PCDH11X: variants seen among roughly 807,000 people sequenced by gnomAD.
The protein encoded by PCDH11X is protocadherin 11 X-linked, also known as protocadherin-11 X-linked.
PCDH11X carries 18 observed loss-of-function variants against 53.3 expected under a neutral mutation model. The ratio of observed to expected loss-of-function variants is 0.34; its 90% CI spans 0.23 to 0.50. The LOEUF (loss-of-function observed/expected upper bound fraction) is 0.50, where lower values mean the gene tolerates loss of function less well. Ranked by LOEUF, PCDH11X falls within the 20% of genes least tolerant of loss-of-function variation. The pLI, the probability that PCDH11X is intolerant of heterozygous loss-of-function variation, is 0.98. For missense variants in PCDH11X, 570 were observed against 1,032.4 expected, an observed-to-expected ratio of 0.55 and a Z score of 6.14; for synonymous variants, 279 against 393.3, an observed-to-expected ratio of 0.71 and a Z score of 3.44.
chrX:91,949,999 A>G (rs1214290938), intron 6 of PCDH11X, among the ~76,000 whole-genome samples: 5 of 109,986 alleles, frequency 4.5e-5, no homozygotes, highest in Non-Finnish European at 9.5e-5. Context: ...ACAGTAGACA[A>G]TGACACATCA....
At chrX:91,985,010 G>T (rs36045629) in intron 6 of PCDH11X, among the ~76,000 whole-genome samples, 1 of 111,282 alleles carries the variant, frequency 9.0e-6, no homozygotes, top group African/African-American at 3.3e-5. Flanking sequence ...CAACATCATC[G>T]CTAGGGCAGC....
chrX:92,134,812 C>A (rs1157528451), intron 6 of PCDH11X, among the ~76,000 whole-genome samples: 1 of 111,305 alleles, frequency 9.0e-6, no homozygotes, highest in Non-Finnish European at 1.9e-5. Flanking sequence ...GTGAGGACAA[C>A]CAGAGGTCAC....
intron 10 of PCDH11X, among the ~76,000 whole-genome samples, chrX:92,490,253 A>G (rs2073730756): frequency 9.3e-6 from 1 of 107,882 alleles, no homozygotes; most frequent in Non-Finnish European, 1.9e-5. Context: ...AGGTAAGGAC[A>G]TGAATTATTT....
intron 4 of PCDH11X, among the ~76,000 whole-genome samples, chrX:91,824,741 G>A (rs1936841831): frequency 9.2e-6 from 1 of 108,691 alleles, no homozygotes; most frequent in Non-Finnish European, 1.9e-5. Flanking sequence ...TTTGGAGGAG[G>A]AGAGGCGCTC....
chrX:91,949,925 G>A (rs1308171013), intron 6 of PCDH11X, among the ~76,000 whole-genome samples: 1 of 108,100 alleles, frequency 9.3e-6, no homozygotes, highest in Non-Finnish European at 1.9e-5. Context: ...GGAATAACTG[G>A]AGTGATCAGG....
chrX:92,611,838 CT>C lies in PCDH11X; in HGVS notation c.3368-6417del, dbSNP rs201987001. On this transcript the variant is annotated intron_variant, in intron 10 of 10. Transcript: ENST00000682573. ...ATTTCTGTGTCTACTGAGATGATCA[CT>C]TTTTTTTTAAATTTACTTCTGTTTA... 7.0e-3 allele frequency among the ~76,000 whole-genome samples: 730 copies of C among 104,935 alleles called. 9 individuals carry two copies. The highest frequency in any genetic ancestry group is 0.024 in the African/African-American group (690 of 28,517). The allele number at this position is 104,935 out of a possible 115,157, so 91.1% of individuals were successfully genotyped here. A position where few individuals can be genotyped will look rare whatever the true frequency, so the allele number is the denominator to read the frequency against.
At chrX:91,976,148 G>A (rs1216342042) in intron 6 of PCDH11X, among the ~76,000 whole-genome samples, 4 of 111,341 alleles carry the variant, frequency 3.6e-5, no homozygotes, top group African/African-American at 1.3e-4. Flanking sequence ...AACCTCCCAG[G>A]CTCAAGTAAT....
rs1034016248 is a variant in PCDH11X at position 92,175,929 on chromosome X, A to T, written c.3034-25446A>T. Among the ~76,000 whole-genome samples, 32 of 110,190 alleles carry T rather than the reference A, an allele frequency of 2.9e-4. 1 individual carries two copies. The highest frequency in any genetic ancestry group is 9.9e-4 in the African/African-American group (30 of 30,322). ...CCATGAAGGCGAGTTATCCAGATTG[A>T]TTTCCTCTTTTTGTAAAATATTGCA... On this transcript the variant is annotated intron_variant, in intron 6 of 10. Transcript: ENST00000682573.
At chrX:91,964,200 A>C (rs974657914) in intron 6 of PCDH11X, among the ~76,000 whole-genome samples, 3 of 103,101 alleles carry the variant, frequency 2.9e-5, no homozygotes, top group Admixed American at 2.0e-4. Context: ...CTTAAATTGA[A>C]AGAATTAATA....
chrX:92,472,018 T>C (rs2073274559), intron 10 of PCDH11X, among the ~76,000 whole-genome samples: 1 of 111,098 alleles, frequency 9.0e-6, no homozygotes, highest in Admixed American at 9.6e-5. Flanking sequence ...CTTTGTCAGA[T>C]ACAGAGTTTG....
At chrX:92,563,178 C>T (rs1423439846) in intron 10 of PCDH11X, among the ~76,000 whole-genome samples, 1 of 99,088 alleles carries the variant, frequency 1.0e-5, no homozygotes, top group Non-Finnish European at 2.0e-5. Context: ...GGCATATGCT[C>T]AGCATCTGGG....
intron 6 of PCDH11X, among the ~76,000 whole-genome samples, chrX:92,196,484 G>T (rs1195422982): frequency 9.0e-6 from 1 of 111,338 alleles, no homozygotes; most frequent in Non-Finnish European, 1.9e-5. Flanking sequence ...ATCAAAAGAG[G>T]CTTCTTCCAA....
chrX:92,597,416 T>C (rs1336931563), intron 10 of PCDH11X, among the ~76,000 whole-genome samples: 1 of 110,671 alleles, frequency 9.0e-6, no homozygotes, highest in Non-Finnish European at 1.9e-5. Context: ...TAAAAAGTAG[T>C]CAAATTAATA....
chrX:91,977,311 T>C (rs986003001), intron 6 of PCDH11X, among the ~76,000 whole-genome samples: 1 of 111,846 alleles, frequency 8.9e-6, no homozygotes, highest in Admixed American at 9.6e-5. Flanking sequence ...GGTGCTTAAT[T>C]CAGCCACCGT....
intron 6 of PCDH11X, among the ~76,000 whole-genome samples, chrX:92,134,525 C>T (rs1185177656): frequency 5.4e-5 from 6 of 110,361 alleles, no homozygotes. Context: ...AAGGTGTAAC[C>T]GAAAAGGGGT....
Position 92,442,086 on chromosome X carries a change from G to A in PCDH11X, c.3344-26213G>A, listed in dbSNP as rs187674584. On this transcript the variant is annotated intron_variant, in intron 9 of 10. Transcript: ENST00000682573. ...TGGGGCCTGTAGCCTCTTTGTTTTG[G>A]CCAATGTCTCCCATTTGGAATGGCT... Among the ~76,000 whole-genome samples, 416 of 111,308 alleles carry A rather than the reference G, an allele frequency of 3.7e-3. 1 individual carries two copies. The highest frequency in any genetic ancestry group is 0.013 in the Admixed American group (140 of 10,465).
intron 4 of PCDH11X, among the ~76,000 whole-genome samples, chrX:91,816,138 C>CA (rs965667802): frequency 1.8e-5 from 2 of 110,128 alleles, no homozygotes; most frequent in African/African-American, 3.3e-5. Context: ...CACACCCCCC[C>CA]AAAAAAAATC....
chrX:92,348,328 T>C (rs1013777647), intron 8 of PCDH11X, among the ~76,000 whole-genome samples: 1 of 110,152 alleles, frequency 9.1e-6, no homozygotes, highest in African/African-American at 3.3e-5. Flanking sequence ...CCAAAGGCTG[T>C]GTTAAAGTAG....
At chrX:91,864,958 G>A (rs1379956673) in intron 5 of PCDH11X, among the ~76,000 whole-genome samples, 1 of 111,027 alleles carries the variant, frequency 9.0e-6, no homozygotes, top group African/African-American at 3.3e-5. Context: ...CTTCAACACA[G>A]CTATTTTGAA....
Sources: allele counts gnomAD v4.1 joint callset (sites outside exome capture counted in the v4.1 genomes callset), GRCh38; gene constraint gnomAD v4.1.1; transcripts MANE v1.5; gene names NCBI Gene and HGNC (gene_info 2026-07-23, HGNC 2026-07-21).